Variants in CCDC178 observed in about 807,000 individuals in gnomAD.
CCDC178 encodes coiled-coil domain-containing protein 178.
In CCDC178, 126 loss-of-function variants were observed where a neutral mutation model predicts 117.4. The observed-to-expected ratio is 1.07, with a 90% CI of 0.93 to 1.24. The LOEUF (loss-of-function observed/expected upper bound fraction) is 1.24. Among genes scored for constraint, CCDC178 ranks in the 50% most tolerant of loss-of-function variants. CCDC178 has a pLI of 0.00. For missense variants in CCDC178, 1,030 were observed against 986.9 expected (o/e 1.04, Z -0.59); for synonymous variants, 283 against 313.4 (o/e 0.90, Z 1.02).
intron 21 of CCDC178, among the ~76,000 whole-genome samples, chr18:33,083,390 T>C (rs2057327621): frequency 1.3e-5 from 2 of 152,234 alleles, no homozygotes; most frequent in Non-Finnish European, 2.9e-5. Context: ...CTATATGTTG[T>C]CAATTTGTTC....
intron 21 of CCDC178, among the ~76,000 whole-genome samples, chr18:32,987,903 G>A (rs373060423): frequency 1.3e-5 from 2 of 151,046 alleles, no homozygotes; most frequent in East Asian, 4.0e-4. Flanking sequence ...TTTGAGACCA[G>A]CCTGGACAAC....
chr18:33,055,592 G>A (rs188778853), intron 21 of CCDC178, among the ~76,000 whole-genome samples: 21 of 152,160 alleles, frequency 1.4e-4, no homozygotes, highest in Admixed American at 7.2e-4. Flanking sequence ...GTCTCCCAAA[G>A]TGCTGGGATT....
intron 21 of CCDC178, among the ~76,000 whole-genome samples, chr18:33,025,214 A>G (rs898851714): frequency 6.6e-6 from 1 of 152,216 alleles, no homozygotes; most frequent in East Asian, 1.9e-4. Flanking sequence ...ATTTAAGAAG[A>G]AAAGTTCCAT....
chr18:33,020,793 C>T (rs958414262), intron 21 of CCDC178, among the ~76,000 whole-genome samples: 28 of 151,516 alleles, frequency 1.8e-4, no homozygotes, highest in Non-Finnish European at 8.8e-5. Context: ...CTAATTAAAA[C>T]ATGTCTAAGT....
intron 20 of CCDC178, among the ~76,000 whole-genome samples, chr18:33,107,019 G>A (rs2057715921): frequency 6.6e-6 from 1 of 151,628 alleles, no homozygotes; most frequent in African/African-American, 2.4e-5. Flanking sequence ...ATTCAAATGA[G>A]CAAGGAAACA....
chr18:33,096,018 G>A (rs904003952), intron 20 of CCDC178, among the ~76,000 whole-genome samples: 1 of 151,768 alleles, frequency 6.6e-6, no homozygotes, highest in African/African-American at 2.4e-5. Context: ...AAGAACCATT[G>A]CTAAGGAAAG....
chr18:33,263,509 G>C (rs2059775930), intron 14 of CCDC178, among the ~76,000 whole-genome samples: 1 of 151,992 alleles, frequency 6.6e-6, no homozygotes, highest in Non-Finnish European at 1.5e-5. Flanking sequence ...ATTATATCAT[G>C]CTGGGAATAA....
At chr18:33,080,798 A>T (rs945116585) in intron 21 of CCDC178, among the ~76,000 whole-genome samples, 2 of 152,198 alleles carry the variant, frequency 1.3e-5, no homozygotes, top group African/African-American at 4.8e-5. Flanking sequence ...AACATTTATG[A>T]TATGGTTGGT....
chr18:33,102,741 C>T (rs1017788262), intron 20 of CCDC178, among the ~76,000 whole-genome samples: 33 of 151,696 alleles, frequency 2.2e-4, no homozygotes, highest in African/African-American at 6.3e-4. Context: ...ATAACCATTT[C>T]GGGATGTATC....
intron 14 of CCDC178, among the ~76,000 whole-genome samples, chr18:33,245,742 TGTGACTTCCATAAAG>T: frequency 6.6e-6 from 1 of 152,018 alleles, no homozygotes; most frequent in Non-Finnish European, 1.5e-5. Context: ...CATTTCAATT[TGTGACTTCCATAAAG>T]GTGTTTTTAC....
chr18:32,951,285 C>T (rs1045480639), intron 22 of CCDC178, among the ~76,000 whole-genome samples: 6 of 152,180 alleles, frequency 3.9e-5, no homozygotes, highest in South Asian at 4.2e-4. Flanking sequence ...AACTTGTATT[C>T]GTTCCTTCTC....
Position 33,245,295 on chromosome 18 carries a change from T to A in CCDC178, c.1543A>T (p.Lys515Ter). 6.2e-7 allele frequency: 1 copy of A among 1,604,572 alleles called. No individual in the cohort carries two copies. The highest frequency in any genetic ancestry group is 2.3e-5 in the East Asian group (1 of 44,430). ...IGTLFHLTKHKTDEMEDKIAE... is the reference protein window; with the variant it reads ...IGTLFHLTKH ...ATTTTATCTTCCATTTCATCTGTCT[T>A]GTGTTTGGTTAGGTGGAAAAGAGTA... is the stretch of plus-strand genomic sequence containing the variant. Residue 515 changes from lysine to a stop codon, truncating the protein, a stop_gained, in exon 15 of 23, where the codon AAG becomes TAG. Transcript: ENST00000383096. LOFTEE classifies it high-confidence loss of function.
intron 18 of CCDC178, among the ~76,000 whole-genome samples, chr18:33,217,358 C>G (rs1449788684): frequency 1.3e-5 from 2 of 151,854 alleles, no homozygotes; most frequent in African/African-American, 2.4e-5. Flanking sequence ...CCAGTTTTCA[C>G]CATTTTATAA....
intron 20 of CCDC178, 73 bp downstream of exon 20, chr18:33,211,823 T>C: frequency 3.2e-6 from 4 of 1,252,448 alleles, no homozygotes; most frequent in Non-Finnish European, 4.4e-6. Flanking sequence ...GGATAAAAAT[T>C]GTCTCAAACT....
At chr18:33,159,799 G>A (rs2058441692) in intron 20 of CCDC178, among the ~76,000 whole-genome samples, 2 of 151,994 alleles carry the variant, frequency 1.3e-5, no homozygotes, top group African/African-American at 2.4e-5. Flanking sequence ...TAAGACATAT[G>A]TTTGTTCTCA....
intron 20 of CCDC178, among the ~76,000 whole-genome samples, chr18:33,189,293 CA>C (rs1343987109): frequency 6.6e-6 from 1 of 151,928 alleles, no homozygotes; most frequent in Non-Finnish European, 1.5e-5. Flanking sequence ...GTATAAGCAG[CA>C]GAAGAATAAA....
At chr18:33,024,705 A>G (rs894877177) in intron 21 of CCDC178, among the ~76,000 whole-genome samples, 12 of 151,736 alleles carry the variant, frequency 7.9e-5, no homozygotes, top group African/African-American at 2.9e-4. Flanking sequence ...GTGCAGTGGC[A>G]CGATCTCGGC....
intron 9 of CCDC178, among the ~76,000 whole-genome samples, chr18:33,335,720 TTTC>T (rs766273242): frequency 9.9e-5 from 15 of 152,028 alleles, no homozygotes; most frequent in Non-Finnish European, 2.1e-4. Flanking sequence ...TTTAAAAAAG[TTTC>T]TTGTCCTTGC....
At chr18:33,222,845 A>G (rs2059253690) in intron 18 of CCDC178, among the ~76,000 whole-genome samples, 1 of 152,016 alleles carries the variant, frequency 6.6e-6, no homozygotes, top group African/African-American at 2.4e-5. Context: ...CATGAATCCA[A>G]TATCTAATTT....
Sources: gnomAD v4.1 joint callset for allele counts (sites outside exome capture counted in the v4.1 genomes callset) on GRCh38, gnomAD v4.1.1 for gene constraint, MANE v1.5 for transcripts, NCBI Gene and HGNC (gene_info 2026-07-23, HGNC 2026-07-21) for gene names.